Variants in MACROD2 observed in about 807,000 individuals in gnomAD.
MACROD2 encodes ADP-ribose glycohydrolase MACROD2.
MACROD2 carries 36 observed loss-of-function variants against 70.4 expected under a neutral mutation model. The observed-to-expected ratio is 0.51, with a 90% CI of 0.39 to 0.68. MACROD2 has a LOEUF of 0.68. MACROD2 is among the 30% of genes least tolerant of loss of function. The pLI is 0.00. For synonymous variants in MACROD2, 172 were observed against 178.8 expected, an observed-to-expected ratio of 0.96 and a Z score of 0.30; for missense variants, 496 against 538.4, an observed-to-expected ratio of 0.92 and a Z score of 0.78.
chr20:16,039,057 CT>C (rs947152149), intron 15 of MACROD2, among the ~76,000 whole-genome samples: 1 of 151,932 alleles, frequency 6.6e-6, no homozygotes, highest in African/African-American at 2.4e-5. Context: ...CTCCCTGCCC[CT>C]AGCCTCACAA....
intron 5 of MACROD2, among the ~76,000 whole-genome samples, chr20:15,147,056 A>G (rs2076235245): frequency 6.6e-6 from 1 of 152,120 alleles, no homozygotes; most frequent in Non-Finnish European, 1.5e-5. Context: ...ATGTAAATAA[A>G]TCGTAACTTA....
intron 6 of MACROD2, among the ~76,000 whole-genome samples, chr20:15,425,728 G>A (rs908581268): frequency 2.0e-5 from 3 of 152,184 alleles, no homozygotes; most frequent in East Asian, 1.9e-4. Context: ...AGCCCCTTCC[G>A]ATGGAGCTGA....
chr20:15,210,232 T>G (rs6079704), intron 5 of MACROD2, among the ~76,000 whole-genome samples: 17,288 of 152,246 alleles, frequency 0.11, 1,278 homozygotes, highest in African/African-American at 0.21. Flanking sequence ...CATAGTTTTC[T>G]TTACTATATG....
chr20:15,355,118 C>T (rs575952749), intron 6 of MACROD2, among the ~76,000 whole-genome samples: 9 of 152,280 alleles, frequency 5.9e-5, no homozygotes, highest in South Asian at 2.1e-4. Flanking sequence ...TAATACAATT[C>T]TGATGCATTA....
chr20:14,157,575 C>G lies in MACROD2; in HGVS notation c.271+71847C>G, dbSNP rs1212985653. Among the ~76,000 whole-genome samples the G allele has an allele frequency of 4.6e-5, 7 of 152,124 alleles. No homozygotes were observed. The South Asian group carries it at 1.0e-3, about 23-fold the overall frequency. On this transcript the variant is annotated intron_variant, in intron 3 of 17. Transcript: ENST00000684519. ...CCCACCCACACATCCTTCTCATCCT[C>G]TGGTATCTTATCACTTTACTCTCTA...
At chr20:15,827,827 G>A (rs2064013797) in intron 8 of MACROD2, among the ~76,000 whole-genome samples, 1 of 152,190 alleles carries the variant, frequency 6.6e-6, no homozygotes, top group Admixed American at 6.6e-5. Context: ...GCTCTGAAAT[G>A]TGCATCTCCA....
chr20:15,038,415 A>G (rs1265110935), intron 5 of MACROD2, among the ~76,000 whole-genome samples: 1 of 152,206 alleles, frequency 6.6e-6, no homozygotes, highest in Non-Finnish European at 1.5e-5. Flanking sequence ...GACAGCTTCC[A>G]ATTTATTCAG....
chr20:15,510,397 C>T (rs1024233249), intron 8 of MACROD2, among the ~76,000 whole-genome samples: 14 of 152,032 alleles, frequency 9.2e-5, no homozygotes, highest in Non-Finnish European at 1.5e-4. Context: ...GACTAGGACT[C>T]GTATGCTGCC....
At chr20:15,812,581 T>A (rs929803317) in intron 8 of MACROD2, among the ~76,000 whole-genome samples, 41 of 150,608 alleles carry the variant, frequency 2.7e-4, no homozygotes, top group African/African-American at 9.3e-4. Context: ...AAAAAAAAAA[T>A]ACACTCGTCT....
At chr20:14,266,108 C>T (rs1266268550) in intron 3 of MACROD2, among the ~76,000 whole-genome samples, 1 of 152,072 alleles carries the variant, frequency 6.6e-6, no homozygotes, top group African/African-American at 2.4e-5. Flanking sequence ...CTTCATTTTT[C>T]TTTTGGCTTG....
chr20:14,609,041 A>G (rs527792330), intron 4 of MACROD2, among the ~76,000 whole-genome samples: 5 of 152,230 alleles, frequency 3.3e-5, no homozygotes, highest in Admixed American at 2.6e-4. Context: ...GGTGGGGTCT[A>G]TGTGCCACAG....
intron 9 of MACROD2, among the ~76,000 whole-genome samples, chr20:15,864,779 A>G (rs2064469494): frequency 6.6e-6 from 1 of 152,188 alleles, no homozygotes; most frequent in Non-Finnish European, 1.5e-5. Flanking sequence ...AATGCTTTGA[A>G]GCACACAGTG....
chr20:15,662,962 G>A (rs2049842916), intron 8 of MACROD2, among the ~76,000 whole-genome samples: 2 of 142,004 alleles, frequency 1.4e-5, no homozygotes, highest in African/African-American at 2.6e-5. Flanking sequence ...ATAAGTCCTC[G>A]AATGTTTACA....
rs115369378 is a variant in MACROD2, at chr20:15,191,554, A to G, written c.419-38386A>G. 5.7e-3 allele frequency among the ~76,000 whole-genome samples: 875 copies of G among 152,290 alleles called. 11 individuals carry two copies. Among genetic ancestry groups the G allele is most frequent in the African/African-American group, 0.02 (818 of 41,564 alleles). ...ACATCAAAGAAGCCTGCTCTTTGAG[A>G]TGTAAACCATAAGATGATCAACACA... On this transcript the variant is annotated intron_variant, in intron 5 of 17. Coordinates refer to ENST00000684519, the MANE Select transcript of MACROD2 (RefSeq NM_001351661.2).
In MACROD2 at chr20:14,260,243, A is replaced by G. The variant is rs574487440; in HGVS notation, c.271+174515A>G. On this transcript the variant is annotated intron_variant, in intron 3 of 17. Transcript: ENST00000684519. ...TGTATTTTTGCATGGACATACATTT[A>G]TTTGTGTATAGTGAGTATTTATATG... is the stretch of plus-strand genomic sequence containing the variant. 3.3e-5 allele frequency among the ~76,000 whole-genome samples: 5 copies of G among 152,160 alleles called. No homozygotes were observed. In the South Asian group the frequency reaches 1.0e-3, roughly 31 times the overall value.
intron 3 of MACROD2, among the ~76,000 whole-genome samples, chr20:14,273,665 A>G (rs2082220566): frequency 6.6e-6 from 1 of 151,718 alleles, no homozygotes; most frequent in African/African-American, 2.4e-5. Context: ...TGAAGGAAAT[A>G]GAGACACAAA....
chr20:15,367,643 A>G (rs895748092), intron 6 of MACROD2, among the ~76,000 whole-genome samples: 5 of 152,066 alleles, frequency 3.3e-5, no homozygotes, highest in South Asian at 2.1e-4. Flanking sequence ...TTCTAATTCT[A>G]TCTTCTCCTA....
At chr20:15,244,336 A>G (rs1414498587) in intron 6 of MACROD2, among the ~76,000 whole-genome samples, 1 of 152,238 alleles carries the variant, frequency 6.6e-6, no homozygotes, top group Non-Finnish European at 1.5e-5. Flanking sequence ...GAGAAAAAGT[A>G]CACTAGCCAT....
chr20:15,219,173 G>T (rs2076836906), intron 5 of MACROD2, among the ~76,000 whole-genome samples: 1 of 152,236 alleles, frequency 6.6e-6, no homozygotes, highest in Admixed American at 6.5e-5. Flanking sequence ...CTTGAGGACA[G>T]ATAAAATAGT....
Sources: allele counts gnomAD v4.1 joint callset (sites outside exome capture counted in the v4.1 genomes callset), GRCh38; gene constraint gnomAD v4.1.1; transcripts MANE v1.5; gene names NCBI Gene and HGNC (gene_info 2026-07-23, HGNC 2026-07-21).